EBF3: variants seen among roughly 807,000 people sequenced by gnomAD.
The protein encoded by EBF3 is EBF transcription factor 3, also known as transcription factor COE3.
EBF3 carries 18 observed loss-of-function variants against 77.1 expected under a neutral mutation model. That is an observed-to-expected ratio of 0.23 (90% CI 0.16 to 0.35). The LOEUF is 0.35. Ranked by LOEUF, EBF3 falls within the 10% of genes least tolerant of loss-of-function variation. EBF3 has a pLI of 1.00. For missense variants in EBF3, 558 were observed against 860.0 expected (o/e 0.65, Z 4.39); for synonymous variants, 350 against 343.5 (o/e 1.02, Z -0.21).
rs1405387956 is a variant in EBF3, at chr10:129,912,502, CT to C, written c.555-34654del. Among the ~76,000 whole-genome samples the C allele has an allele frequency of 3.3e-5, 5 of 152,296 alleles. No homozygotes were observed. In the Middle Eastern group the frequency reaches 0.01, roughly 311 times the overall value. ...CAAAACATTTTTCATGCATTCTCGGCTTCTCTAGGAGCAGCAGGCTGTTTAA... is the reference window on the plus strand; with the variant it reads ...CAAAACATTTTTCATGCATTCTCGGCTCTCTAGGAGCAGCAGGCTGTTTAA... On this transcript the variant is annotated intron_variant, in intron 6 of 16. Transcript: ENST00000440978.
intron 6 of EBF3, among the ~76,000 whole-genome samples, chr10:129,945,084 GAGAGGAGAA>G (rs1858081825): frequency 2.1e-5 from 1 of 47,410 alleles, no homozygotes; most frequent in South Asian, 1.8e-3. Context: ...GGGAGGGGAA[GAGAGGAGAA>G]GGGAGGGGAG....
chr10:129,891,128 G>A (rs1053253624), intron 6 of EBF3, among the ~76,000 whole-genome samples: 8 of 152,070 alleles, frequency 5.3e-5, no homozygotes, highest in Admixed American at 2.6e-4. Flanking sequence ...TGAATGTACC[G>A]GGATATAGTG....
chr10:129,888,818 TTAAG>T (rs1337706970), intron 6 of EBF3, among the ~76,000 whole-genome samples: 2 of 152,236 alleles, frequency 1.3e-5, no homozygotes, highest in Admixed American at 6.5e-5. Flanking sequence ...TAATTATAAA[TTAAG>T]TATGCAAGAG....
rs532021529 is a variant in EBF3, at chr10:129,935,692, C to T, written c.554+21566G>A. Among the ~76,000 whole-genome samples the T allele has an allele frequency of 2.6e-5, 4 of 152,328 alleles. No individual in the cohort carries two copies. Among genetic ancestry groups the T allele is most frequent in the South Asian group, 2.1e-4 (1 of 4,824 alleles). ...CAGCTCTCAGCCACCATTCCTCCTA[C>T]GTCAGCACTGGGGAGTCCAGAGGCC... is the stretch of plus-strand genomic sequence containing the variant. On this transcript the variant is annotated intron_variant, in intron 6 of 16. Transcript: ENST00000440978. The surrounding 1 kb of genome is among the most constrained non-coding windows in gnomAD (Gnocchi z 4.2).
At chr10:129,924,430 C>CAAAAAAAAA (rs956215243) in intron 6 of EBF3, among the ~76,000 whole-genome samples, 5 of 108,426 alleles carry the variant, frequency 4.6e-5, no homozygotes, top group Non-Finnish European at 3.8e-5. Flanking sequence ...ACAACAACAA[C>CAAAAAAAAA]AAAAAAAAAA....
intron 6 of EBF3, among the ~76,000 whole-genome samples, chr10:129,921,282 C>T (rs1437213152): frequency 2.0e-5 from 3 of 152,154 alleles, no homozygotes; most frequent in Non-Finnish European, 4.4e-5. Context: ...TGGGGCCATC[C>T]TGGGCACCGC....
chr10:129,890,558 T>C (rs907655536), intron 6 of EBF3, among the ~76,000 whole-genome samples: 1 of 152,260 alleles, frequency 6.6e-6, no homozygotes, highest in Non-Finnish European at 1.5e-5. Flanking sequence ...TCAGCTAGTA[T>C]CTAAAGAATA....
chr10:129,910,918 C>CA (rs1476468442), intron 6 of EBF3, among the ~76,000 whole-genome samples: 1 of 152,184 alleles, frequency 6.6e-6, no homozygotes, highest in Non-Finnish European at 1.5e-5. Flanking sequence ...TCCTGGGGCA[C>CA]AGGTGCCAGC....
At chr10:129,903,432 C>G (rs1854924266) in intron 6 of EBF3, among the ~76,000 whole-genome samples, 1 of 152,176 alleles carries the variant, frequency 6.6e-6, no homozygotes, top group Non-Finnish European at 1.5e-5. Context: ...ATGTAGCATT[C>G]CATAAGCACC....
intron 6 of EBF3, among the ~76,000 whole-genome samples, chr10:129,939,151 C>A (rs1857556577): frequency 6.6e-6 from 1 of 152,216 alleles, no homozygotes; most frequent in African/African-American, 2.4e-5. Flanking sequence ...CAGCCTTCAA[C>A]TTCTAAGACC....
chr10:129,849,008 C>T (rs544854806), intron 10 of EBF3, among the ~76,000 whole-genome samples: 1 of 152,326 alleles, frequency 6.6e-6, no homozygotes, highest in East Asian at 1.9e-4. Context: ...TGATGTAGGG[C>T]ACTATCATTC....
intron 6 of EBF3, among the ~76,000 whole-genome samples, chr10:129,926,267 G>A (rs1564895902): frequency 1.3e-5 from 2 of 152,164 alleles, no homozygotes; most frequent in Non-Finnish European, 2.9e-5. Context: ...ACACCTTGGC[G>A]CCAGCCCGCA....
chr10:129,905,638 C>A (rs1855090517), intron 6 of EBF3, among the ~76,000 whole-genome samples: 1 of 152,126 alleles, frequency 6.6e-6, no homozygotes, highest in Non-Finnish European at 1.5e-5. Flanking sequence ...CAGGCCCTCA[C>A]ACACCATCTC....
intron 6 of EBF3, among the ~76,000 whole-genome samples, chr10:129,878,719 G>C (rs561370163): frequency 2.7e-5 from 4 of 148,878 alleles, no homozygotes; most frequent in South Asian, 2.1e-4. Context: ...AAAGCAATTG[G>C]GGGGTGGGGC....
intron 6 of EBF3, among the ~76,000 whole-genome samples, chr10:129,921,476 C>A (rs577206128): frequency 1.3e-5 from 2 of 152,224 alleles, no homozygotes; most frequent in Non-Finnish European, 2.9e-5. Flanking sequence ...AGGATACCCC[C>A]GACCATGGGG....
chr10:129,864,372 A>G lies in EBF3; in HGVS notation c.1039+2769T>C, dbSNP rs995490514. The stretch of plus-strand genomic sequence containing the variant: ...GCTCCTCCCACCCTACACATCCGCA[A>G]CTGTCTCCAAATGCACAGCCCAAGG... On this transcript the variant is annotated intron_variant, in intron 10 of 16. Transcript: ENST00000440978. This position sits in a 1 kb window ranked among gnomAD's most constrained non-coding sequence, Gnocchi z 4.4. Among the ~76,000 whole-genome samples the G allele has an allele frequency of 6.6e-5, 10 of 152,278 alleles. No homozygotes were observed. Among genetic ancestry groups the G allele is most frequent in the Admixed American group, 5.9e-4 (9 of 15,296 alleles).
intron 7 of EBF3, among the ~76,000 whole-genome samples, chr10:129,873,876 A>T (rs1421158969): frequency 6.6e-6 from 1 of 152,230 alleles, no homozygotes; most frequent in East Asian, 1.9e-4. Flanking sequence ...CAATTCAGAG[A>T]AATATTCTTC....
At chr10:129,924,960 G>A (rs964502945) in intron 6 of EBF3, among the ~76,000 whole-genome samples, 13 of 152,126 alleles carry the variant, frequency 8.5e-5, no homozygotes, top group African/African-American at 7.2e-5. Flanking sequence ...TACGGCACCC[G>A]GCCTGAAGAG....
intron 4 of EBF3, among the ~76,000 whole-genome samples, chr10:129,959,980 C>A (rs1859369097): frequency 6.6e-6 from 1 of 152,198 alleles, no homozygotes; most frequent in African/African-American, 2.4e-5. Context: ...GAGGCTCCGC[C>A]AGATGGTGCG....
Sources: allele counts gnomAD v4.1 joint callset (sites outside exome capture counted in the v4.1 genomes callset), GRCh38; gene constraint gnomAD v4.1.1; non-coding constraint Gnocchi (gnomAD v3.1); transcripts MANE v1.5; gene names NCBI Gene and HGNC (gene_info 2026-07-23, HGNC 2026-07-21).